Variants in SV2C observed in about 807,000 individuals in gnomAD.
The protein encoded by SV2C is synaptic vesicle glycoprotein 2C.
A neutral mutation model predicts 79.7 loss-of-function variants in SV2C; 49 were observed. That is an observed-to-expected ratio of 0.61 (90% confidence interval 0.49 to 0.78). The LOEUF is 0.78. Among genes scored for constraint, SV2C ranks in the 30% least tolerant of loss-of-function variants. The pLI, the probability that SV2C is intolerant of heterozygous loss-of-function variation, is 0.00. For synonymous variants in SV2C, 334 were observed against 333.2 expected, an observed-to-expected ratio of 1.00 and a Z score of -0.03; for missense variants, 833 against 912.9, an observed-to-expected ratio of 0.91 and a Z score of 1.13.
At position 76,291,772 on chromosome 5, in the gene SV2C, G is replaced by A; in HGVS notation, c.1253G>A (p.Trp418Ter). Reference protein sequence around the residue: ...VRIRTELYGIWLTFMRCFNYP... With the variant: ...VRIRTELYGI ...TAACTCTCTAATATTTCACAGATTTGGTTGACTTTTATGAGATGTTTCAAC... is the reference window on the plus strand; with the variant it reads ...TAACTCTCTAATATTTCACAGATTTAGTTGACTTTTATGAGATGTTTCAAC... The change falls in exon 8 of 13, where the codon TGG (tryptophan) becomes TAG (stop). Residue 418 changes from tryptophan (W) to a stop codon, truncating the protein, a stop_gained. Coordinates refer to ENST00000502798, the MANE Select transcript of SV2C (RefSeq NM_014979.4). LOFTEE classifies it high-confidence loss of function. 2 of 1,606,494 alleles carry A rather than the reference G, an allele frequency of 1.2e-6. No individual in the cohort carries two copies. The highest frequency in any genetic ancestry group is 1.1e-5 in the South Asian group (1 of 90,086).
At chr5:76,181,925 A>G (rs1166273755) in intron 2 of SV2C, among the ~76,000 whole-genome samples, 3 of 152,040 alleles carry the variant, frequency 2.0e-5, no homozygotes, top group South Asian at 2.1e-4. Context: ...CAGCCCAATT[A>G]TATTTCTCCA....
rs892997719 is a variant in SV2C, at chr5:76,120,442, G to C, written c.-101-11208G>C. Among the ~76,000 whole-genome samples the C allele has an allele frequency of 3.0e-4, 44 of 147,540 alleles. 1 individual carries two copies. The highest frequency in any genetic ancestry group is 1.0e-3 in the African/African-American group (40 of 38,582). Reference sequence around the variant, plus strand: ...GCAGGTTAGTTACATATGTATACATGTGCCATGCTGGTATGCTGCACCCAT... The same window carrying C: ...GCAGGTTAGTTACATATGTATACATCTGCCATGCTGGTATGCTGCACCCAT... On this transcript the variant is annotated intron_variant, in intron 1 of 12. Coordinates refer to ENST00000502798, the MANE Select transcript of SV2C (RefSeq NM_014979.4).
intron 12 of SV2C, among the ~76,000 whole-genome samples, chr5:76,349,349 C>G (rs1301126519): frequency 1.3e-5 from 2 of 152,064 alleles, no homozygotes; most frequent in African/African-American, 2.4e-5. Flanking sequence ...CCTGTCTCTA[C>G]TAAAAATACA....
chr5:76,285,892 T>A (rs750298775), intron 6 of SV2C, 22 bp downstream of exon 6: 1 of 1,596,560 alleles, frequency 6.3e-7, no homozygotes, highest in Non-Finnish European at 8.6e-7. Context: ...CCCCAGAGAA[T>A]CCTCAACACC....
chr5:76,212,354 A>G (rs1744790261), intron 4 of SV2C, among the ~76,000 whole-genome samples: 1 of 152,242 alleles, frequency 6.6e-6, no homozygotes, highest in South Asian at 2.1e-4. Context: ...TGCTCCAGGT[A>G]GGTAGCCAGA....
intron 2 of SV2C, among the ~76,000 whole-genome samples, chr5:76,151,671 C>T (rs1376529848): frequency 2.0e-5 from 3 of 152,106 alleles, no homozygotes; most frequent in Non-Finnish European, 2.9e-5. Context: ...TGCCTTAATA[C>T]GAGAGTTCTG....
chr5:76,004,980 A>G, the SV2C span, among the ~76,000 whole-genome samples: 1 of 152,156 alleles, frequency 6.6e-6, no homozygotes, highest in Admixed American at 6.6e-5. Context: ...AGCACGACCT[A>G]AATCTCATGA....
At chr5:76,210,930 T>C (rs1314370196) in intron 4 of SV2C, among the ~76,000 whole-genome samples, 2 of 152,214 alleles carry the variant, frequency 1.3e-5, no homozygotes, top group South Asian at 4.1e-4. Context: ...GTGTTTAAAG[T>C]AATCTCTTTC....
the SV2C span, among the ~76,000 whole-genome samples, chr5:76,008,986 C>A: frequency 0.014 from 2,156 of 152,228 alleles, 56 homozygotes; most frequent in African/African-American, 0.05. Flanking sequence ...CCCCAGAGAT[C>A]TCCATGGTGC....
intron 4 of SV2C, among the ~76,000 whole-genome samples, chr5:76,250,282 T>A (rs1746073072): frequency 6.6e-6 from 1 of 152,220 alleles, no homozygotes; most frequent in Non-Finnish European, 1.5e-5. Flanking sequence ...ATTATTTAAC[T>A]TGATTTTTGT....
the SV2C span, among the ~76,000 whole-genome samples, chr5:75,902,634 C>G: frequency 6.6e-6 from 1 of 152,212 alleles, no homozygotes; most frequent in Non-Finnish European, 1.5e-5. Flanking sequence ...AAATCTGTTT[C>G]CATTGTAGTT....
At chr5:76,219,063 G>C (rs1001052014) in intron 4 of SV2C, among the ~76,000 whole-genome samples, 1 of 152,164 alleles carries the variant, frequency 6.6e-6, no homozygotes, top group Non-Finnish European at 1.5e-5. Context: ...CACTACTCTA[G>C]GGTGTCAGGG....
chr5:75,894,907 C>A, the SV2C span, among the ~76,000 whole-genome samples: 1 of 151,980 alleles, frequency 6.6e-6, no homozygotes, highest in African/African-American at 2.4e-5. Flanking sequence ...TGTGCACAGG[C>A]AGGAGGTAAG....
chr5:76,027,059 C>G, the SV2C span, among the ~76,000 whole-genome samples: 14 of 122,190 alleles, frequency 1.1e-4, no homozygotes, highest in East Asian at 2.3e-4. Flanking sequence ...TTTCAGTTGT[C>G]TTTTTTTTTT....
chr5:76,068,663 T>C, the SV2C span, among the ~76,000 whole-genome samples: 1 of 152,190 alleles, frequency 6.6e-6, no homozygotes, highest in Non-Finnish European at 1.5e-5. Context: ...AATAATTGTC[T>C]ATATTCTTAT....
intron 4 of SV2C, among the ~76,000 whole-genome samples, chr5:76,275,393 A>G (rs1342291992): frequency 6.6e-6 from 1 of 150,884 alleles, no homozygotes; most frequent in African/African-American, 2.4e-5. Context: ...AGGCTGAGGT[A>G]GGAGAATGGC....
the SV2C span, among the ~76,000 whole-genome samples, chr5:75,855,953 C>T: frequency 0.015 from 2,349 of 152,260 alleles, 22 homozygotes; most frequent in Non-Finnish European, 0.022. Flanking sequence ...CTCCCCACTA[C>T]GCTTCCTAGC....
At chr5:76,181,860 T>C (rs1356813427) in intron 2 of SV2C, among the ~76,000 whole-genome samples, 1 of 152,182 alleles carries the variant, frequency 6.6e-6, no homozygotes, top group Non-Finnish European at 1.5e-5. Context: ...TCATTGTCTG[T>C]ATAAGTAATT....
At chr5:76,191,712 T>G (rs1304241721) in intron 2 of SV2C, among the ~76,000 whole-genome samples, 1 of 152,182 alleles carries the variant, frequency 6.6e-6, no homozygotes, top group Non-Finnish European at 1.5e-5. Context: ...AATGAGGAAG[T>G]CATACTTGAG....
Sources: allele counts gnomAD v4.1 joint callset (sites outside exome capture counted in the v4.1 genomes callset), GRCh38; gene constraint gnomAD v4.1.1; transcripts MANE v1.5; gene names NCBI Gene and HGNC (gene_info 2026-07-23, HGNC 2026-07-21).